PDZRN4: variants seen among roughly 807,000 people sequenced by gnomAD.
PDZRN4 encodes the protein PDZ domain-containing RING finger protein 4.
In PDZRN4, 70 loss-of-function variants were observed where a neutral mutation model predicts 99.0. The observed-to-expected ratio is 0.71, with a 90% CI of 0.58 to 0.86. The LOEUF is 0.86. Among genes scored for constraint, PDZRN4 ranks in the 40% least tolerant of loss-of-function variants. PDZRN4 has a pLI of 0.00. For synonymous variants in PDZRN4, 551 were observed against 501.6 expected (o/e 1.10, Z -1.32); for missense variants, 1,474 against 1,331.2 (o/e 1.11, Z -1.67).
chr12:41,248,704 T>C (rs557288937), intron 3 of PDZRN4, among the ~76,000 whole-genome samples: 1 of 152,228 alleles, frequency 6.6e-6, no homozygotes, highest in African/African-American at 2.4e-5. Flanking sequence ...TAACCAAAAA[T>C]GCAAACATCT....
chr12:41,190,251 A>C (rs1398190574), intron 1 of PDZRN4, among the ~76,000 whole-genome samples: 1 of 152,226 alleles, frequency 6.6e-6, no homozygotes, highest in Non-Finnish European at 1.5e-5. Flanking sequence ...GAGAGGGACT[A>C]AAATGTTTCT....
chr12:41,325,133 A>G (rs1951701793), intron 3 of PDZRN4, among the ~76,000 whole-genome samples: 1 of 152,198 alleles, frequency 6.6e-6, no homozygotes, highest in South Asian at 2.1e-4. Context: ...GTATTATACC[A>G]TGATTATTAC....
At chr12:41,525,562 T>C (rs946227051) in intron 5 of PDZRN4, among the ~76,000 whole-genome samples, 4 of 152,268 alleles carry the variant, frequency 2.6e-5, no homozygotes, top group East Asian at 1.9e-4. Context: ...TATGAAACCA[T>C]ATAAATGATG....
intron 3 of PDZRN4, among the ~76,000 whole-genome samples, chr12:41,324,877 T>A (rs778689163): frequency 9.9e-5 from 15 of 152,084 alleles, no homozygotes; most frequent in Non-Finnish European, 1.9e-4. Flanking sequence ...ATAAAATATA[T>A]TAGAATTAAC....
intron 3 of PDZRN4, among the ~76,000 whole-genome samples, chr12:41,198,087 T>A (rs532696445): frequency 1.3e-5 from 2 of 151,818 alleles, no homozygotes; most frequent in African/African-American, 2.4e-5. Context: ...GCTAATTTTT[T>A]AAAAATTTTC....
At chr12:41,447,821 T>C (rs1236692729) in intron 3 of PDZRN4, among the ~76,000 whole-genome samples, 1 of 152,080 alleles carries the variant, frequency 6.6e-6, no homozygotes, top group Non-Finnish European at 1.5e-5. Context: ...CATTTCATAT[T>C]TATCCACTGA....
At chr12:41,555,877 CT>C in intron 7 of PDZRN4, 117 bp downstream of exon 7, 1 of 786,948 alleles carries the variant, frequency 1.3e-6, no homozygotes, top group African/African-American at 1.8e-5. Flanking sequence ...ATACTAACAT[CT>C]ACAAAACCAA....
At chr12:41,468,061 T>TA (rs1952946319) in intron 3 of PDZRN4, among the ~76,000 whole-genome samples, 1 of 152,210 alleles carries the variant, frequency 6.6e-6, no homozygotes, top group Non-Finnish European at 1.5e-5. Flanking sequence ...CCCATGGTCT[T>TA]ACATTTCTCC....
chr12:41,274,411 G>A (rs1339340659), intron 3 of PDZRN4, among the ~76,000 whole-genome samples: 8 of 152,116 alleles, frequency 5.3e-5, no homozygotes, highest in East Asian at 1.9e-4. Flanking sequence ...AATGGAAAAC[G>A]CTTAAAATGC....
intron 3 of PDZRN4, among the ~76,000 whole-genome samples, chr12:41,199,339 A>G (rs914048205): frequency 4.6e-5 from 7 of 152,158 alleles, no homozygotes; most frequent in Non-Finnish European, 1.0e-4. Flanking sequence ...AATGGTTATT[A>G]ATAAAAGTCA....
At chr12:41,299,920 C>T (rs953856945) in intron 3 of PDZRN4, among the ~76,000 whole-genome samples, 1 of 151,884 alleles carries the variant, frequency 6.6e-6, no homozygotes, top group Non-Finnish European at 1.5e-5. Flanking sequence ...TTCAAAAATA[C>T]ATGCATGTCA....
intron 3 of PDZRN4, among the ~76,000 whole-genome samples, chr12:41,229,330 G>A (rs1951014574): frequency 6.6e-6 from 1 of 151,902 alleles, no homozygotes; most frequent in Non-Finnish European, 1.5e-5. Flanking sequence ...ATAAAACAGA[G>A]TGCCAGACAG....
chr12:41,206,461 T>A (rs2120680407), intron 3 of PDZRN4, among the ~76,000 whole-genome samples: 1 of 151,712 alleles, frequency 6.6e-6, no homozygotes, highest in East Asian at 1.9e-4. Context: ...GTATTGGCCA[T>A]TTCAGTCTCC....
rs187451991 is a variant in PDZRN4, at chr12:41,374,695, G to A, written c.844-131761G>A. On this transcript the variant is annotated intron_variant, in intron 3 of 9. Transcript: ENST00000402685. ...AGGCTGCCTCTGAGGTTTCCTTAGG[G>A]AAGTTGGCTACCATCTCTAGAGCTC... Among the ~76,000 whole-genome samples, 65 of 152,296 alleles carry A rather than the reference G, an allele frequency of 4.3e-4. 1 individual carries two copies. The highest frequency in any genetic ancestry group is 1.2e-3 in the African/African-American group (50 of 41,578).
intron 3 of PDZRN4, among the ~76,000 whole-genome samples, chr12:41,422,207 A>G (rs2120410984): frequency 6.6e-6 from 1 of 152,310 alleles, no homozygotes; most frequent in East Asian, 1.9e-4. Context: ...TTATGATTAA[A>G]GCAGAAAAAG....
intron 3 of PDZRN4, chr12:41,437,830 C>T (rs1333961732): frequency 6.3e-7 from 1 of 1,591,710 alleles, no homozygotes. Context: ...TGTTTCTGGA[C>T]TGAAGTGACT....
At chr12:41,475,938 C>A (rs991454321) in intron 3 of PDZRN4, among the ~76,000 whole-genome samples, 3 of 152,142 alleles carry the variant, frequency 2.0e-5, no homozygotes, top group African/African-American at 7.2e-5. Flanking sequence ...TATAGTTCCA[C>A]ATGTAAAGAA....
At chr12:41,375,663 T>A (rs80110048) in intron 3 of PDZRN4, among the ~76,000 whole-genome samples, 1 of 152,158 alleles carries the variant, frequency 6.6e-6, no homozygotes, top group African/African-American at 2.4e-5. Context: ...AATGGTTTGA[T>A]ATACCTATAT....
intron 3 of PDZRN4, among the ~76,000 whole-genome samples, chr12:41,312,305 T>C (rs1037178310): frequency 1.3e-5 from 2 of 152,136 alleles, no homozygotes; most frequent in South Asian, 4.1e-4. Context: ...AGTTTCTCTA[T>C]AGCAAAAAGA....
Sources: allele counts gnomAD v4.1 joint callset (sites outside exome capture counted in the v4.1 genomes callset), GRCh38; gene constraint gnomAD v4.1.1; transcripts MANE v1.5; gene names NCBI Gene and HGNC (gene_info 2026-07-23, HGNC 2026-07-21).